ICA1: variants seen among roughly 807,000 people sequenced by gnomAD.
ICA1 encodes the protein islet cell autoantigen 1.
In ICA1, 40 loss-of-function variants were observed where a neutral mutation model predicts 71.0. The observed-to-expected ratio is 0.56, with a 90% CI of 0.44 to 0.73. ICA1 has a LOEUF of 0.73. ICA1 is among the 30% of genes least tolerant of loss of function. The pLI, the probability that ICA1 is intolerant of heterozygous loss-of-function variation, is 0.00. For missense variants in ICA1, 578 were observed against 576.5 expected (o/e 1.00, Z -0.03); for synonymous variants, 207 against 209.5 (o/e 0.99, Z 0.10).
chr7:8,114,708 C>G (rs550324343), intron 13 of ICA1, among the ~76,000 whole-genome samples: 3 of 152,208 alleles, frequency 2.0e-5, no homozygotes, highest in African/African-American at 7.2e-5. Flanking sequence ...CTGAATACCA[C>G]GATTATACAG....
At chr7:8,141,710 T>G in intron 10 of ICA1, 55 bp downstream of exon 10, 1 of 1,091,888 alleles carries the variant, frequency 9.2e-7, no homozygotes, top group Non-Finnish European at 1.4e-6. Flanking sequence ...ATGACTTGGC[T>G]GTTAAGCATT....
chr7:8,141,235 C>T (rs549752622), intron 10 of ICA1, among the ~76,000 whole-genome samples: 14 of 152,294 alleles, frequency 9.2e-5, no homozygotes, highest in African/African-American at 3.4e-4. Flanking sequence ...ACGCTCTGAC[C>T]CCTTCTCCTA....
chr7:8,115,228 T>C (rs1466701491), intron 13 of ICA1, among the ~76,000 whole-genome samples: 1 of 152,186 alleles, frequency 6.6e-6, no homozygotes, highest in East Asian at 1.9e-4. Context: ...TCAAGACTAG[T>C]GGGTAATATG....
At chr7:8,152,508 C>T (rs1006346288) in intron 8 of ICA1, among the ~76,000 whole-genome samples, 6 of 149,798 alleles carry the variant, frequency 4.0e-5, no homozygotes, top group Non-Finnish European at 8.9e-5. Context: ...CTTACCACCA[C>T]CACTACCACT....
chr7:8,220,395 C>T lies in ICA1; in HGVS notation c.380+880G>A, dbSNP rs148960448. On this transcript the variant is annotated intron_variant, in intron 5 of 13. Coordinates refer to ENST00000402384, the MANE Select transcript of ICA1 (RefSeq NM_001136020.3). ...GCTGCTGGCCTGCTCTTGGCCCACA[C>T]GGAGGGAAAGCAGCAAGGAGACATT... Among the ~76,000 whole-genome samples, 483 of 152,216 alleles carry T rather than the reference C, an allele frequency of 3.2e-3. 4 individuals carry two copies. The highest frequency in any genetic ancestry group is 0.011 in the African/African-American group (467 of 41,530).
chr7:8,246,637 G>A (rs1288019419), intron 1 of ICA1, among the ~76,000 whole-genome samples: 3 of 152,216 alleles, frequency 2.0e-5, no homozygotes, highest in African/African-American at 7.2e-5. Context: ...ACATCCATTT[G>A]ACTGAGAAAC....
chr7:8,163,638 T>C (rs1804737610), intron 6 of ICA1, among the ~76,000 whole-genome samples: 1 of 152,188 alleles, frequency 6.6e-6, no homozygotes, highest in Non-Finnish European at 1.5e-5. Context: ...TCCGAGGACA[T>C]GGTGCTCAAC....
intron 9 of ICA1, chr7:8,142,157 A>C: frequency 2.0e-6 from 1 of 512,378 alleles, no homozygotes; most frequent in Non-Finnish European, 3.2e-6. Context: ...ATCAATCAGA[A>C]TCCATTTCTT....
chr7:8,156,882 C>T lies in ICA1; in HGVS notation c.804+234G>A, dbSNP rs752271207. 672 of 1,518,834 alleles carry T rather than the reference C, an allele frequency of 4.4e-4. 1 individual carries two copies. Among genetic ancestry groups the T allele is most frequent in the Non-Finnish European group, 5.5e-4 (627 of 1,138,398 alleles). The allele number at this position is 1,518,834 out of a possible 1,614,324, so 94.1% of individuals were successfully genotyped here. Reference sequence around the variant, plus strand: ...ATCTCAAGGTTCAAGGTTCAATTCGCGCTTTTGGATTGCAGTAGATTCTCA... The same window carrying T: ...ATCTCAAGGTTCAAGGTTCAATTCGTGCTTTTGGATTGCAGTAGATTCTCA... On this transcript the variant is annotated intron_variant, in intron 8 of 13. Transcript: ENST00000402384.
rs375933270 is a variant in ICA1 at position 8,205,163 on chromosome 7, A to G, written c.579+13142T>C. ...TGAAAAGCAGACGGAGGCCTGGATC[A>G]TAAGTACCAATAAAAGCTTTAGCTG... is the stretch of plus-strand genomic sequence containing the variant. On this transcript the variant is annotated intron_variant, in intron 6 of 13. Transcript: ENST00000402384. Among the ~76,000 whole-genome samples the G allele has an allele frequency of 2.6e-4, 39 of 152,006 alleles. 1 individual carries two copies. The South Asian group carries it at 7.9e-3, about 31-fold the overall frequency.
At chr7:8,183,599 T>G (rs1171293817) in intron 6 of ICA1, among the ~76,000 whole-genome samples, 1 of 152,238 alleles carries the variant, frequency 6.6e-6, no homozygotes, top group Admixed American at 6.5e-5. Flanking sequence ...AGAAGCTTCC[T>G]GCCTTTGTAA....
chr7:8,140,360 C>T (rs1406450280), intron 10 of ICA1, among the ~76,000 whole-genome samples: 1 of 152,176 alleles, frequency 6.6e-6, no homozygotes, highest in Admixed American at 6.5e-5. Context: ...TGACTTTCTC[C>T]AGGTCCTCCT....
intron 6 of ICA1, among the ~76,000 whole-genome samples, chr7:8,199,457 C>T (rs6949372): frequency 0.11 from 16,372 of 152,092 alleles, 1,646 homozygotes; most frequent in African/African-American, 0.26. Flanking sequence ...ACGCCTGTAA[C>T]CCCAGCACTT....
rs1796328840 is a variant in ICA1, at chr7:8,144,804, G to T, written c.805-832C>A. On this transcript the variant is annotated intron_variant, in intron 8 of 13. Coordinates refer to ENST00000402384, the MANE Select transcript of ICA1 (RefSeq NM_001136020.3). The surrounding 1 kb of genome is among the most constrained non-coding windows in gnomAD (Gnocchi z 4.5). ...TATAAATACAAAATAAACATCTCAG[G>T]ATACTTATCCTTCTTATATTCTCAG... 6.6e-6 allele frequency among the ~76,000 whole-genome samples: 1 copy of T among 152,120 alleles called. No individual in the cohort carries two copies. The highest frequency in any genetic ancestry group is 1.5e-5 in the Non-Finnish European group (1 of 68,010).
chr7:8,253,839 T>C (rs1439219616), intron 1 of ICA1, among the ~76,000 whole-genome samples: 58 of 152,244 alleles, frequency 3.8e-4, no homozygotes, highest in Non-Finnish European at 4.4e-5. Flanking sequence ...CATATGTACA[T>C]AGAAACGTAT....
At chr7:8,242,847 C>A (rs141532053) in intron 1 of ICA1, among the ~76,000 whole-genome samples, 5,130 of 151,904 alleles carry the variant, frequency 0.034, 158 homozygotes, top group African/African-American at 0.08. Flanking sequence ...CACATACACC[C>A]TCCCAAGACT....
rs972358058 is a variant in ICA1, at chr7:8,173,877, T to A, written c.580-15225A>T. ...TAAGCAGAGAATAAAGCAAAGTCTTTGCTTTCATGATGGTTATGTTGTAGT... is the reference window on the plus strand; with the variant it reads ...TAAGCAGAGAATAAAGCAAAGTCTTAGCTTTCATGATGGTTATGTTGTAGT... On this transcript the variant is annotated intron_variant, in intron 6 of 13. Coordinates refer to ENST00000402384, the MANE Select transcript of ICA1 (RefSeq NM_001136020.3). The surrounding 1 kb of genome is among the most constrained non-coding windows in gnomAD (Gnocchi z 4.0). Among the ~76,000 whole-genome samples, 1 of 152,212 alleles carries A rather than the reference T, an allele frequency of 6.6e-6. No homozygotes were observed. The highest frequency in any genetic ancestry group is 2.4e-5 in the African/African-American group (1 of 41,458).
intron 13 of ICA1, among the ~76,000 whole-genome samples, chr7:8,122,249 G>A (rs560577641): frequency 3.3e-5 from 5 of 152,314 alleles, no homozygotes; most frequent in South Asian, 2.1e-4. Flanking sequence ...ACAATGCCAC[G>A]AAGACAGCTA....
rs1264168146 is a variant in ICA1 at position 8,158,518 on chromosome 7, T to C, written c.705+9A>G. 3 of 1,613,478 alleles carry C rather than the reference T, an allele frequency of 1.9e-6. No individual in the cohort carries two copies. Among genetic ancestry groups the C allele is most frequent in the Middle Eastern group, 3.3e-4 (2 of 6,076 alleles). ...CCTTGGTTCATTGCAACAAACATTA[T>C]TTTGTTACCTGGTATGTTGCTAGCA... On this transcript the variant is annotated intron_variant, in intron 7 of 13. Transcript: ENST00000402384.
Sources: gnomAD v4.1 joint callset for allele counts (sites outside exome capture counted in the v4.1 genomes callset) on GRCh38, gnomAD v4.1.1 for gene constraint, Gnocchi (gnomAD v3.1) non-coding constraint, MANE v1.5 for transcripts, NCBI Gene and HGNC (gene_info 2026-07-23, HGNC 2026-07-21) for gene names.